The following PRICKLE1 variants were observed in gnomAD, a reference collection of about 807,000 sequenced individuals.
PRICKLE1 encodes prickle-like protein 1.
A neutral mutation model predicts 70.2 loss-of-function variants in PRICKLE1; 14 were observed. The observed-to-expected ratio is 0.20, with a 90% CI of 0.13 to 0.31. PRICKLE1 has a LOEUF of 0.31. Among genes scored for constraint, PRICKLE1 ranks in the 10% least tolerant of loss-of-function variants. PRICKLE1 has a pLI of 1.00. For synonymous variants in PRICKLE1, 357 were observed against 379.9 expected, an observed-to-expected ratio of 0.94 and a Z score of 0.70; for missense variants, 821 against 1,026.2, an observed-to-expected ratio of 0.80 and a Z score of 2.73.
intron 1 of PRICKLE1, among the ~76,000 whole-genome samples, chr12:42,557,152 G>T (rs1940426266): frequency 6.6e-6 from 1 of 152,160 alleles, no homozygotes; most frequent in Non-Finnish European, 1.5e-5. Flanking sequence ...GGTACATGGA[G>T]TGACTGGTAC....
chr12:42,571,325 G>T (rs1317836196), intron 1 of PRICKLE1, among the ~76,000 whole-genome samples: 2 of 152,188 alleles, frequency 1.3e-5, no homozygotes, highest in Admixed American at 1.3e-4. Context: ...CAGTAAACTG[G>T]TTTTATGAAG....
intron 1 of PRICKLE1, among the ~76,000 whole-genome samples, chr12:42,581,451 G>A (rs1313193966): frequency 6.6e-6 from 1 of 151,804 alleles, no homozygotes; most frequent in African/African-American, 2.4e-5. Flanking sequence ...TTCATTAAAG[G>A]TTATGGAACT....
chr12:42,502,529 T>C (rs1017108051), intron 1 of PRICKLE1, among the ~76,000 whole-genome samples: 2 of 152,050 alleles, frequency 1.3e-5, no homozygotes, highest in Admixed American at 6.6e-5. Context: ...CAGGCTGATC[T>C]TGAACTTGTA....
intron 1 of PRICKLE1, among the ~76,000 whole-genome samples, chr12:42,516,696 G>A (rs1268786172): frequency 2.0e-5 from 3 of 152,174 alleles, no homozygotes; most frequent in Non-Finnish European, 4.4e-5. Context: ...GGGAGGATGA[G>A]GACAGGGAAA....
intron 7 of PRICKLE1, 124 bp from the exon 8 acceptor site, chr12:42,460,789 C>A: frequency 1.7e-6 from 2 of 1,176,866 alleles, no homozygotes; most frequent in Non-Finnish European, 2.5e-6. Flanking sequence ...TGATTAAAAC[C>A]CATAGGGAAA....
intron 3 of PRICKLE1, 35 bp from the exon 4 acceptor site, chr12:42,469,622 G>C: frequency 6.2e-7 from 1 of 1,612,922 alleles, no homozygotes; most frequent in Non-Finnish European, 8.5e-7. Context: ...ACCACACTGA[G>C]TGCACAGTCT....
chr12:42,493,449 A>G (rs191421900), intron 1 of PRICKLE1, among the ~76,000 whole-genome samples: 3 of 152,320 alleles, frequency 2.0e-5, no homozygotes, highest in Admixed American at 2.0e-4. Flanking sequence ...AACCAGAAAA[A>G]AAAGATCTGA....
At chr12:42,496,815 G>A (rs1258208374) in intron 1 of PRICKLE1, among the ~76,000 whole-genome samples, 1 of 152,134 alleles carries the variant, frequency 6.6e-6, no homozygotes, top group African/African-American at 2.4e-5. Flanking sequence ...GAGAGTTAGG[G>A]CTTTGCTCTG....
At chr12:42,469,800 A>C in intron 3 of PRICKLE1, 1 of 611,182 alleles carries the variant, frequency 1.6e-6, no homozygotes, top group Non-Finnish European at 2.8e-6. Context: ...TTTTTAAATA[A>C]GAAATGTTTA....
At chr12:42,537,514 A>C (rs974639400) in intron 1 of PRICKLE1, among the ~76,000 whole-genome samples, 2 of 152,136 alleles carry the variant, frequency 1.3e-5, no homozygotes, top group Non-Finnish European at 2.9e-5. Flanking sequence ...AACCCAAACC[A>C]AACAAAACGC....
At chr12:42,486,125 G>C (rs1281449833) in intron 1 of PRICKLE1, among the ~76,000 whole-genome samples, 1 of 152,172 alleles carries the variant, frequency 6.6e-6, no homozygotes, top group Non-Finnish European at 1.5e-5. Flanking sequence ...AATTCACAGG[G>C]CTTGGTTCCC....
chr12:42,563,532 T>G (rs994169568), intron 1 of PRICKLE1, among the ~76,000 whole-genome samples: 1 of 150,786 alleles, frequency 6.6e-6, no homozygotes, highest in Non-Finnish European at 1.5e-5. Flanking sequence ...ACCCCGTCTC[T>G]ACTAAAAAAA....
rs1566084464 is a variant in PRICKLE1 at position 42,468,700 on chromosome 12, A to T, written c.514T>A (p.Tyr172Asn). ...CCACAGTGAATTTTTCCATCCTGAT[A>T]AAAATAGATGAGGTCGACCAGCAGC... ...NELLVDLIYF[Y>N]QDGKIHCGRH... Residue 172 changes from tyrosine (Y) to asparagine (N), a missense_variant, in exon 5 of 8, where the codon TAT becomes AAT. Physicochemically the swap from Tyr to Asn is moderately radical, Grantham distance 143 (BLOSUM62 -2). Coordinates refer to ENST00000345127, the MANE Select transcript of PRICKLE1 (RefSeq NM_153026.3). The T allele has an allele frequency of 3.1e-6, 5 of 1,614,158 alleles. No individual in the cohort carries two copies. Among genetic ancestry groups the T allele is most frequent in the Non-Finnish European group, 1.7e-6 (2 of 1,180,028 alleles).
chr12:42,462,791 A>C (rs1937909478), intron 7 of PRICKLE1, among the ~76,000 whole-genome samples: 1 of 152,188 alleles, frequency 6.6e-6, no homozygotes, highest in Admixed American at 6.5e-5. Context: ...TTTGACTATA[A>C]AACTAGCCAT....
intron 1 of PRICKLE1, among the ~76,000 whole-genome samples, chr12:42,586,079 T>C (rs1052301252): frequency 6.6e-6 from 1 of 152,198 alleles, no homozygotes; most frequent in African/African-American, 2.4e-5. Context: ...AATCCAATAA[T>C]CCTTTCTTCT....
At chr12:42,532,151 C>T (rs1939929775) in intron 1 of PRICKLE1, among the ~76,000 whole-genome samples, 1 of 152,152 alleles carries the variant, frequency 6.6e-6, no homozygotes, top group African/African-American at 2.4e-5. Flanking sequence ...GCCCACACAG[C>T]AAGACTCTGC....
chr12:42,535,974 A>G (rs1041914958), intron 1 of PRICKLE1, among the ~76,000 whole-genome samples: 5 of 152,208 alleles, frequency 3.3e-5, no homozygotes, highest in African/African-American at 1.2e-4. Context: ...AAAGGAAGGA[A>G]GCACAGGCTG....
chr12:42,549,938 A>G (rs1940283664), intron 1 of PRICKLE1, among the ~76,000 whole-genome samples: 1 of 152,154 alleles, frequency 6.6e-6, no homozygotes, highest in African/African-American at 2.4e-5. Context: ...CCTCTTTACT[A>G]TACTAACAAC....
intron 1 of PRICKLE1, chr12:42,525,128 A>G (rs752247228): frequency 3.5e-4 from 53 of 152,224 alleles, no homozygotes; most frequent in Admixed American, 5.9e-4. Context: ...TCACCAACTT[A>G]GTAAATTTAA....
Sources: allele counts gnomAD v4.1 joint callset (sites outside exome capture counted in the v4.1 genomes callset), GRCh38; gene constraint gnomAD v4.1.1; transcripts MANE v1.5; gene names NCBI Gene and HGNC (gene_info 2026-07-23, HGNC 2026-07-21).